CELF2: variants seen among roughly 807,000 people sequenced by gnomAD.
CELF2 encodes CUGBP Elav-like family member 2.
Under a neutral mutation model 62.6 loss-of-function variants are expected in CELF2, and 8 were observed. The observed-to-expected ratio is 0.13, with a 90% confidence interval of 0.07 to 0.23. The LOEUF (loss-of-function observed/expected upper bound fraction) is 0.23. Among genes scored for constraint, CELF2 ranks in the 10% least tolerant of loss-of-function variants. The pLI, the probability that CELF2 is intolerant of heterozygous loss-of-function variation, is 1.00. For missense variants in CELF2, 333 were observed against 671.0 expected, an observed-to-expected ratio of 0.50 and a Z score of 5.56; for synonymous variants, 258 against 250.0, an observed-to-expected ratio of 1.03 and a Z score of -0.30.
chr10:10,643,153 GT>G, the CELF2 span, among the ~76,000 whole-genome samples: 1 of 152,254 alleles, frequency 6.6e-6, no homozygotes. Context: ...TTTTGCTGGA[GT>G]GAACCCTTGG....
chr10:10,747,699 G>T, the CELF2 span, among the ~76,000 whole-genome samples: 1 of 151,998 alleles, frequency 6.6e-6, no homozygotes, highest in African/African-American at 2.4e-5. Context: ...AAAGAGTCTG[G>T]GTATATAGAT....
intron 5 of CELF2, among the ~76,000 whole-genome samples, chr10:11,266,062 A>AT (rs1354852027): frequency 1.3e-5 from 2 of 152,186 alleles, no homozygotes; most frequent in African/African-American, 4.8e-5. Context: ...ATACATATAT[A>AT]TTTTTTAACT....
intron 1 of CELF2, among the ~76,000 whole-genome samples, chr10:10,829,258 G>C (rs369568489): frequency 9.2e-5 from 14 of 152,234 alleles, no homozygotes; most frequent in African/African-American, 3.4e-4. Flanking sequence ...GGCAAACAAA[G>C]CATGATATGA....
At chr10:11,047,125 A>G (rs1475603267) in intron 1 of CELF2, among the ~76,000 whole-genome samples, 3 of 152,190 alleles carry the variant, frequency 2.0e-5, no homozygotes, top group Non-Finnish European at 1.5e-5. Flanking sequence ...TCATGAAAAC[A>G]GATAAAAACA....
At chr10:10,713,757 G>A in the CELF2 span, among the ~76,000 whole-genome samples, 2 of 152,162 alleles carry the variant, frequency 1.3e-5, no homozygotes, top group East Asian at 1.9e-4. Context: ...GGGATAGGCC[G>A]GGCACGGTGG....
intron 1 of CELF2, among the ~76,000 whole-genome samples, chr10:11,118,919 T>A (rs1750736): frequency 0.2 from 30,489 of 152,162 alleles, 4,352 homozygotes; most frequent in East Asian, 0.73. Context: ...CCTGTGTCAC[T>A]CTCTGTGAAA....
At chr10:10,857,649 G>GTTTATATATATATATATATATA (rs1554855649) in intron 1 of CELF2, among the ~76,000 whole-genome samples, 8 of 94,208 alleles carry the variant, frequency 8.5e-5, no homozygotes, top group African/African-American at 3.3e-4. Flanking sequence ...CATATATATA[G>GTTTATATATATATATATATATA]TATATATATA....
the CELF2 span, among the ~76,000 whole-genome samples, chr10:10,601,907 G>T: frequency 2.0e-5 from 3 of 151,102 alleles, no homozygotes; most frequent in Non-Finnish European, 4.4e-5. Context: ...ACCCCTCAGC[G>T]GGCCCCAGTG....
intron 1 of CELF2, among the ~76,000 whole-genome samples, chr10:10,832,850 G>C (rs981199627): frequency 1.3e-5 from 2 of 152,030 alleles, no homozygotes; most frequent in African/African-American, 4.8e-5. Flanking sequence ...TGCAAAATTG[G>C]CCTATCACCA....
In CELF2 at chr10:11,329,977, A is replaced by AT. The variant is rs1361745507; in HGVS notation, c.*926dup. ...GTTATTTATTGCCTATTGTTAACTTATTGGGTACCTAAAGAGCAGTTCTCT... is the reference window on the plus strand; with the variant it reads ...GTTATTTATTGCCTATTGTTAACTTATTTGGGTACCTAAAGAGCAGTTCTCT... On this transcript the variant is annotated 3_prime_UTR_variant, in exon 13 of 13. Coordinates refer to ENST00000633077, the MANE Select transcript of CELF2 (RefSeq NM_001326342.2). The surrounding 1 kb of genome is among the most constrained non-coding windows in gnomAD (Gnocchi z 5.5). The AT allele has an allele frequency of 6.6e-6, 1 of 152,590 alleles. No individual in the cohort carries two copies. The highest frequency in any genetic ancestry group is 1.5e-5 in the Non-Finnish European group (1 of 68,016). 9.5% of individuals were successfully genotyped at this position (152,590 alleles called of 1,614,324 possible). A position where few individuals can be genotyped will look rare whatever the true frequency, so the allele number is the denominator to read the frequency against.
chr10:10,851,122 G>T (rs2059358956), intron 1 of CELF2, among the ~76,000 whole-genome samples: 1 of 152,112 alleles, frequency 6.6e-6, no homozygotes, highest in Middle Eastern at 3.2e-3. Flanking sequence ...TGAGACATAG[G>T]TATTTTGTAA....
the CELF2 span, among the ~76,000 whole-genome samples, chr10:10,665,724 T>G: frequency 1.3e-5 from 2 of 152,222 alleles, no homozygotes; most frequent in African/African-American, 4.8e-5. Context: ...TACAAGTCAC[T>G]TATTAATAAA....
chr10:11,178,432 A>G lies in CELF2; in HGVS notation c.271+12750A>G, dbSNP rs968529068. Reference sequence around the variant, plus strand: ...GCAAAGGAAGTGCTTCCGAGAGCCAAGGCTTTGCTCTAATCTCTGTGAAGG... The same window carrying G: ...GCAAAGGAAGTGCTTCCGAGAGCCAGGGCTTTGCTCTAATCTCTGTGAAGG... On this transcript the variant is annotated intron_variant, in intron 2 of 12. Coordinates refer to ENST00000633077, the MANE Select transcript of CELF2 (RefSeq NM_001326342.2). The surrounding 1 kb of genome is among the most constrained non-coding windows in gnomAD (Gnocchi z 4.3). Among the ~76,000 whole-genome samples the G allele has an allele frequency of 6.6e-6, 1 of 152,246 alleles. No homozygotes were observed. Among genetic ancestry groups the G allele is most frequent in the Non-Finnish European group, 1.5e-5 (1 of 68,042 alleles).
At chr10:11,186,270 T>C (rs2074853479) in intron 2 of CELF2, among the ~76,000 whole-genome samples, 1 of 150,204 alleles carries the variant, frequency 6.7e-6, no homozygotes, top group Admixed American at 6.6e-5. Flanking sequence ...ATTTGTCTAC[T>C]AAAGAACTAG....
At chr10:10,793,721 C>G (rs1363668956), upstream of CELF2, among the ~76,000 whole-genome samples, 2 of 152,156 alleles carry the variant, frequency 1.3e-5, no homozygotes, top group Non-Finnish European at 2.9e-5. Flanking sequence ...AAGCAACCTC[C>G]AAAGGGCCTT....
the CELF2 span, among the ~76,000 whole-genome samples, chr10:10,661,255 T>C: frequency 6.6e-6 from 1 of 152,256 alleles, no homozygotes; most frequent in African/African-American, 2.4e-5. Flanking sequence ...TCCATTTAAA[T>C]TGAATCATAT....
At chr10:10,805,889 G>A (rs758755305) in intron 1 of CELF2, among the ~76,000 whole-genome samples, 1 of 152,166 alleles carries the variant, frequency 6.6e-6, no homozygotes. Flanking sequence ...CTCGGTAGTC[G>A]AGGACATCTG....
rs1395254382 is a variant in CELF2 at position 11,098,547 on chromosome 10, C to G, written c.75-66939C>G. On this transcript the variant is annotated intron_variant, in intron 1 of 12. Transcript: ENST00000633077. The surrounding 1 kb of genome is among the most constrained non-coding windows in gnomAD (Gnocchi z 4.0). ...GGAAAAAATGGATGAGGAAGAGGGC[C>G]CAAAAAGAGATAACAGACACTGAAA... The G allele has an allele frequency of 6.6e-6, 1 of 151,930 alleles. No individual in the cohort carries two copies. Among genetic ancestry groups the G allele is most frequent in the Non-Finnish European group, 1.5e-5 (1 of 67,986 alleles). The allele number at this position is 151,930 out of a possible 1,614,324, so 9.4% of individuals were successfully genotyped here. A position where few individuals can be genotyped will look rare whatever the true frequency, so the allele number is the denominator to read the frequency against.
chr10:10,692,543 A>T, the CELF2 span, among the ~76,000 whole-genome samples: 1 of 136,842 alleles, frequency 7.3e-6, no homozygotes, highest in Non-Finnish European at 1.6e-5. Flanking sequence ...CAATTCTGTG[A>T]AGAAAGTCAT....
Sources: gnomAD v4.1 joint callset for allele counts (sites outside exome capture counted in the v4.1 genomes callset) on GRCh38, gnomAD v4.1.1 for gene constraint, Gnocchi (gnomAD v3.1) non-coding constraint, MANE v1.5 for transcripts, NCBI Gene and HGNC (gene_info 2026-07-23, HGNC 2026-07-21) for gene names.